The following THRB variants were observed in gnomAD, a reference collection of about 807,000 sequenced individuals.
THRB encodes nuclear receptor subfamily 1 group A member 2.
A neutral mutation model predicts 47.8 loss-of-function variants in THRB; 12 were observed. That is an observed-to-expected ratio of 0.25 (90% CI 0.16 to 0.41). THRB has a LOEUF of 0.41. Among genes scored for constraint, THRB ranks in the 10% least tolerant of loss-of-function variants. The probability of loss-of-function intolerance (pLI) is 1.00; values close to 1 mark genes in which losing one functional copy is unlikely to be tolerated. For missense variants in THRB, 348 were observed against 589.2 expected (o/e 0.59, Z 4.24); for synonymous variants, 218 against 212.2 (o/e 1.03, Z -0.24).
In THRB at chr3:24,121,471, T is replaced by C. The variant is rs2031672715; in HGVS notation, c.*1413A>G. On this transcript the variant is annotated 3_prime_UTR_variant, in exon 11 of 11. Transcript: ENST00000646209. Reference sequence around the variant, plus strand: ...CTATGCCAGTGGAGAATGAGATACATTCAATTGCATGGGTACATTCTATGC... The same window carrying C: ...CTATGCCAGTGGAGAATGAGATACACTCAATTGCATGGGTACATTCTATGC... The C allele has an allele frequency of 6.6e-6, 1 of 152,652 alleles. No homozygotes were observed. Among genetic ancestry groups the C allele is most frequent in the Non-Finnish European group, 1.5e-5 (1 of 68,046 alleles). The allele number at this position is 152,652 out of a possible 1,614,324, so 9.5% of individuals were successfully genotyped here. A position where few individuals can be genotyped will look rare whatever the true frequency, so the allele number is the denominator to read the frequency against.
At chr3:24,413,782 G>A (rs1409495470) in intron 1 of THRB, among the ~76,000 whole-genome samples, 3 of 151,570 alleles carry the variant, frequency 2.0e-5, no homozygotes, top group African/African-American at 7.3e-5. Flanking sequence ...TGTTCTCGTT[G>A]TTCAATTCCC....
chr3:24,381,725 C>T lies in THRB; in HGVS notation c.-260-44354G>A, dbSNP rs140077809. Among the ~76,000 whole-genome samples, 36 of 152,106 alleles carry T rather than the reference C, an allele frequency of 2.4e-4. No homozygotes were observed. In the East Asian group the frequency reaches 6.8e-3, roughly 29 times the overall value. ...TAGAACCCAAATTAACCAACTATAA[C>T]TAGCCATAATCTCAGTTGAGTCCTC... On this transcript the variant is annotated intron_variant, in intron 1 of 10. Transcript: ENST00000646209.
chr3:24,206,882 A>G (rs1483138174), intron 4 of THRB, among the ~76,000 whole-genome samples: 2 of 152,218 alleles, frequency 1.3e-5, no homozygotes, highest in Non-Finnish European at 1.5e-5. Context: ...CTACACAAAT[A>G]AACTAGAAAA....
chr3:24,311,720 A>T (rs184559303), intron 2 of THRB, among the ~76,000 whole-genome samples: 25 of 152,186 alleles, frequency 1.6e-4, no homozygotes, highest in Non-Finnish European at 2.5e-4. Context: ...TGGACTCTTC[A>T]TCCTTGCTCT....
rs913462056 is a variant in THRB, at chr3:24,490,203, T to A, written c.-261+4449A>T. On this transcript the variant is annotated intron_variant, in intron 1 of 10. Transcript: ENST00000646209. ...CAGGTACATAGTAGATACATAAATATTTGTAGACTGAATGAGGAATCAAAT... is the reference window on the plus strand; with the variant it reads ...CAGGTACATAGTAGATACATAAATAATTGTAGACTGAATGAGGAATCAAAT... Among the ~76,000 whole-genome samples the A allele has an allele frequency of 2.6e-5, 4 of 152,148 alleles. No individual in the cohort carries two copies. In the South Asian group the frequency reaches 8.3e-4, roughly 32 times the overall value.
chr3:24,254,591 A>G (rs1190034423), intron 3 of THRB, among the ~76,000 whole-genome samples: 1 of 152,204 alleles, frequency 6.6e-6, no homozygotes, highest in Non-Finnish European at 1.5e-5. Context: ...AGGAGTCAAC[A>G]CAAGTCTCCC....
intron 1 of THRB, among the ~76,000 whole-genome samples, chr3:24,350,952 GGT>G (rs1294314374): frequency 6.6e-6 from 1 of 152,050 alleles, no homozygotes; most frequent in African/African-American, 2.4e-5. Flanking sequence ...GACATAACAT[GGT>G]GCTGTCACCC....
chr3:24,331,661 T>A (rs1156250609), intron 2 of THRB, among the ~76,000 whole-genome samples: 1 of 142,762 alleles, frequency 7.0e-6, no homozygotes, highest in African/African-American at 2.7e-5. Flanking sequence ...TTTATATACA[T>A]ACACACACCT....
chr3:24,408,199 A>G (rs1311639217), intron 1 of THRB, among the ~76,000 whole-genome samples: 2 of 151,902 alleles, frequency 1.3e-5, no homozygotes, highest in African/African-American at 4.8e-5. Context: ...CAACCATTAA[A>G]GGTTTGTCAG....
chr3:24,177,066 T>C (rs2041254271), intron 5 of THRB, among the ~76,000 whole-genome samples: 1 of 152,176 alleles, frequency 6.6e-6, no homozygotes, highest in South Asian at 2.1e-4. Flanking sequence ...CCATGTATGT[T>C]ATTCTCCCAG....
intron 1 of THRB, among the ~76,000 whole-genome samples, chr3:24,352,081 G>C (rs2063392074): frequency 6.6e-6 from 1 of 152,148 alleles, no homozygotes; most frequent in Non-Finnish European, 1.5e-5. Flanking sequence ...TCTCTCTTTT[G>C]AGGGTGTAAA....
chr3:24,349,586 GT>G (rs2063237086), intron 1 of THRB, among the ~76,000 whole-genome samples: 1 of 152,128 alleles, frequency 6.6e-6, no homozygotes, highest in Non-Finnish European at 1.5e-5. Context: ...ACACTGCATT[GT>G]GGTGAGAAAG....
chr3:24,330,530 A>ATC (rs1262848258), intron 2 of THRB, among the ~76,000 whole-genome samples: 2 of 151,926 alleles, frequency 1.3e-5, no homozygotes, highest in Non-Finnish European at 1.5e-5. Context: ...CTACCAACCC[A>ATC]TCTCTCTCTC....
chr3:24,275,185 G>A (rs1346608267), intron 3 of THRB, among the ~76,000 whole-genome samples: 1 of 152,018 alleles, frequency 6.6e-6, no homozygotes, highest in African/African-American at 2.4e-5. Flanking sequence ...TTCACACAAG[G>A]ATAAATAAAA....
At chr3:24,460,628 A>T (rs2073610496) in intron 1 of THRB, among the ~76,000 whole-genome samples, 1 of 152,196 alleles carries the variant, frequency 6.6e-6, no homozygotes, top group Non-Finnish European at 1.5e-5. Flanking sequence ...TTATTTGTCT[A>T]TGAGATTGTA....
intron 4 of THRB, among the ~76,000 whole-genome samples, chr3:24,221,739 A>T (rs974884760): frequency 1.3e-5 from 2 of 152,138 alleles, no homozygotes; most frequent in African/African-American, 2.4e-5. Context: ...TAGCTGCTCA[A>T]ATTTGGAAAC....
chr3:24,431,033 A>G (rs568977829), intron 1 of THRB: 3 of 152,242 alleles, frequency 2.0e-5, no homozygotes, highest in Admixed American at 2.0e-4. Context: ...AGATTCACCA[A>G]ACAAACTCAT....
chr3:24,214,527 C>T (rs1469697959), intron 4 of THRB, among the ~76,000 whole-genome samples: 1 of 152,234 alleles, frequency 6.6e-6, no homozygotes, highest in Non-Finnish European at 1.5e-5. Context: ...TCAAAGAGCA[C>T]CGAAGGTGCC....
chr3:24,155,962 C>T (rs2037766905), intron 5 of THRB, among the ~76,000 whole-genome samples: 1 of 152,206 alleles, frequency 6.6e-6, no homozygotes, highest in Non-Finnish European at 1.5e-5. Flanking sequence ...ATATTTCCCT[C>T]AGCTCTTGTC....
Sources: allele counts gnomAD v4.1 joint callset (sites outside exome capture counted in the v4.1 genomes callset), GRCh38; gene constraint gnomAD v4.1.1; transcripts MANE v1.5; gene names NCBI Gene and HGNC (gene_info 2026-07-23, HGNC 2026-07-21).